The following LRRC37A2 variants were observed in gnomAD, a reference collection of about 807,000 sequenced individuals.
LRRC37A2 encodes the protein leucine rich repeat containing 37 member A2, also known as leucine-rich repeat-containing protein 37A2.
LRRC37A2 carries 9 observed loss-of-function variants against 68.8 expected under a neutral mutation model. The observed-to-expected ratio is 0.13, with a 90% CI of 0.08 to 0.23. LRRC37A2 has a LOEUF of 0.23. Ranked by LOEUF, LRRC37A2 falls within the 10% of genes least tolerant of loss-of-function variation. The pLI is 1.00. For missense variants in LRRC37A2, 168 were observed against 950.4 expected (o/e 0.18, Z 10.82); for synonymous variants, 63 against 367.6 (o/e 0.17, Z 9.48).
chr17:46,816,514 CACCT>C, the LRRC37A2 span, among the ~76,000 whole-genome samples: 2 of 141,636 alleles, frequency 1.4e-5, no homozygotes, highest in African/African-American at 5.3e-5. Flanking sequence ...CACACACACA[CACCT>C]CTCTCCTTGG....
At chr17:46,792,393 T>C in the LRRC37A2 span, among the ~76,000 whole-genome samples, 2 of 152,168 alleles carry the variant, frequency 1.3e-5, no homozygotes, top group Admixed American at 1.3e-4. Context: ...GCTAATAAGG[T>C]AGTGAAGAAC....
At chr17:46,750,679 T>C in the LRRC37A2 span, among the ~76,000 whole-genome samples, 2 of 152,216 alleles carry the variant, frequency 1.3e-5, no homozygotes, top group Non-Finnish European at 2.9e-5. Flanking sequence ...TTGCTCTGTA[T>C]CCAGCATGAG....
chr17:46,987,203 A>T, the LRRC37A2 span, among the ~76,000 whole-genome samples: 3 of 152,148 alleles, frequency 2.0e-5, no homozygotes, highest in Non-Finnish European at 4.4e-5. Context: ...ATATGGTGCC[A>T]CTGCACTCCA....
the LRRC37A2 span, among the ~76,000 whole-genome samples, chr17:46,919,515 T>C: frequency 2.6e-5 from 4 of 152,148 alleles, no homozygotes; most frequent in African/African-American, 9.7e-5. Flanking sequence ...AGGGATGCCA[T>C]GAGACCCAAA....
the LRRC37A2 span, among the ~76,000 whole-genome samples, chr17:46,738,999 G>T: frequency 6.6e-6 from 1 of 151,890 alleles, no homozygotes. Context: ...ACTTTGGGAG[G>T]CCAAGGCAGG....
At chr17:47,018,282 G>C in the LRRC37A2 span, 1 of 1,611,474 alleles carries the variant, frequency 6.2e-7, no homozygotes, top group South Asian at 1.1e-5. Context: ...GCAGCAGCCA[G>C]TTCAGCCTTC....
chr17:46,905,041 G>T, the LRRC37A2 span, among the ~76,000 whole-genome samples: 1 of 152,080 alleles, frequency 6.6e-6, no homozygotes, highest in Non-Finnish European at 1.5e-5. Flanking sequence ...TGGATAAAGG[G>T]GAATGGCAGC....
At chr17:46,912,770 G>A in the LRRC37A2 span, among the ~76,000 whole-genome samples, 1 of 152,198 alleles carries the variant, frequency 6.6e-6, no homozygotes. Context: ...TTTGGGGTGG[G>A]AGTGACTGGG....
chr17:47,018,907 C>T, the LRRC37A2 span: 8 of 1,519,324 alleles, frequency 5.3e-6, no homozygotes, highest in Admixed American at 5.0e-5. Flanking sequence ...GAGACCCCAA[C>T]TCAGCCTCCT....
At chr17:46,872,117 C>T in the LRRC37A2 span, among the ~76,000 whole-genome samples, 5 of 152,162 alleles carry the variant, frequency 3.3e-5, no homozygotes, top group Admixed American at 1.3e-4. Context: ...CCAAACTTCC[C>T]GGATCACAAA....
the LRRC37A2 span, among the ~76,000 whole-genome samples, chr17:46,406,021 T>C: frequency 2.4e-5 from 3 of 123,512 alleles, no homozygotes; most frequent in Non-Finnish European, 3.5e-5. Context: ...CCACCTGGGA[T>C]CTCTTATAAA....
the LRRC37A2 span, among the ~76,000 whole-genome samples, chr17:46,894,611 G>A: frequency 3.3e-5 from 5 of 152,180 alleles, no homozygotes; most frequent in African/African-American, 4.8e-5. Flanking sequence ...GCTGTGGTGG[G>A]TGCTGGGACA....
the LRRC37A2 span, chr17:46,721,524 C>G: frequency 1.9e-6 from 2 of 1,056,440 alleles, no homozygotes; most frequent in Non-Finnish European, 2.9e-6. Flanking sequence ...ACTGGGCTGA[C>G]TATACATTCT....
the LRRC37A2 span, among the ~76,000 whole-genome samples, chr17:46,783,071 G>A: frequency 4.6e-5 from 7 of 152,060 alleles, no homozygotes; most frequent in East Asian, 9.6e-4. Context: ...TTCTCTCAAC[G>A]GGGCTAGTTC....
chr17:46,942,024 T>G, the LRRC37A2 span: 1 of 899,940 alleles, frequency 1.1e-6, no homozygotes, highest in Non-Finnish European at 1.3e-6. Context: ...TATCCTACCT[T>G]AGTCCAAAAA....
chr17:46,855,296 T>C, the LRRC37A2 span, among the ~76,000 whole-genome samples: 1 of 152,240 alleles, frequency 6.6e-6, no homozygotes, highest in Non-Finnish European at 1.5e-5. Context: ...TGTAGTGAGA[T>C]GGATAAGGCC....
chr17:46,742,595 A>T, the LRRC37A2 span, among the ~76,000 whole-genome samples: 1 of 152,144 alleles, frequency 6.6e-6, no homozygotes, highest in African/African-American at 2.4e-5. Flanking sequence ...GCAGTTTTAA[A>T]TGGAGGTATG....
the LRRC37A2 span, chr17:46,911,363 G>C: frequency 1.3e-5 from 2 of 152,210 alleles, no homozygotes; most frequent in African/African-American, 2.4e-5. Flanking sequence ...AGGCTCCCCA[G>C]AGGGGTGAAG....
the LRRC37A2 span, among the ~76,000 whole-genome samples, chr17:46,829,743 A>G: frequency 2.0e-5 from 3 of 151,576 alleles, no homozygotes; most frequent in Non-Finnish European, 4.4e-5. Context: ...TCACTGGCCA[A>G]ATAGCCTCAG....
Sources: allele counts gnomAD v4.1 joint callset (sites outside exome capture counted in the v4.1 genomes callset), GRCh38; gene constraint gnomAD v4.1.1; transcripts MANE v1.5; gene names NCBI Gene and HGNC (gene_info 2026-07-23, HGNC 2026-07-21).